Variants in CEP350 observed in about 807,000 individuals in gnomAD.
The protein encoded by CEP350 is centrosomal protein 350, also known as centrosome-associated protein 350.
Under a neutral mutation model 331.8 loss-of-function variants are expected in CEP350, and 126 were observed. That is an observed-to-expected ratio of 0.38 (90% CI 0.33 to 0.44). The LOEUF (loss-of-function observed/expected upper bound fraction) is 0.44. CEP350 is among the 20% of genes least tolerant of loss of function. CEP350 has a pLI of 1.00. For missense variants in CEP350, 3,406 were observed against 3,634.6 expected, an observed-to-expected ratio of 0.94 and a Z score of 1.62; for synonymous variants, 1,200 against 1,259.5, an observed-to-expected ratio of 0.95 and a Z score of 1.00.
intron 37 of CEP350, among the ~76,000 whole-genome samples, chr1:180,106,752 A>G (rs1661168190): frequency 6.6e-6 from 1 of 151,842 alleles, no homozygotes; most frequent in Admixed American, 6.6e-5. Context: ...TTTAATTAGT[A>G]GTCATTCAAC....
intron 4 of CEP350, 57 bp from the exon 5 acceptor site, chr1:179,992,005 A>T (rs1653134116): frequency 1.4e-6 from 2 of 1,450,346 alleles, no homozygotes; most frequent in African/African-American, 3.0e-5. Flanking sequence ...TACCAGCCTA[A>T]TTCAGAGGCA....
chr1:180,025,144 T>A (rs1375780733), intron 14 of CEP350, among the ~76,000 whole-genome samples: 2 of 152,266 alleles, frequency 1.3e-5, no homozygotes, highest in Admixed American at 1.3e-4. Flanking sequence ...CAGGATGGTC[T>A]CGATCTCCTG....
intron 1 of CEP350, among the ~76,000 whole-genome samples, chr1:179,959,770 C>CA (rs1558062070): frequency 6.6e-6 from 1 of 151,986 alleles, no homozygotes; most frequent in Non-Finnish European, 1.5e-5. Flanking sequence ...GACAAACAAA[C>CA]AAAAAAACTT....
chr1:179,997,314 G>A, intron 6 of CEP350, 139 bp downstream of exon 6: 1 of 938,826 alleles, frequency 1.1e-6, no homozygotes, highest in Non-Finnish European at 1.6e-6. Context: ...GGCCGAGGTG[G>A]GCGGATCATG....
At chr1:179,972,327 G>C (rs1022571434) in intron 1 of CEP350, among the ~76,000 whole-genome samples, 1 of 152,040 alleles carries the variant, frequency 6.6e-6, no homozygotes, top group African/African-American at 2.4e-5. Context: ...AGGTTTAAAA[G>C]GCATATGGAG....
chr1:179,990,709 C>G (rs1652991770), intron 4 of CEP350, 88 bp downstream of exon 4: 1 of 620,128 alleles, frequency 1.6e-6, no homozygotes, highest in Non-Finnish European at 2.7e-6. Context: ...GGTGTGCCAC[C>G]ACACCTGGCT....
chr1:180,078,736 G>A, intron 29 of CEP350, 62 bp downstream of exon 29: 1 of 1,371,340 alleles, frequency 7.3e-7, no homozygotes, highest in Non-Finnish European at 1.0e-6. Flanking sequence ...AGGTATGTTA[G>A]CAGTTATATT....
At chr1:180,049,763 C>G (rs766044887) in intron 22 of CEP350, among the ~76,000 whole-genome samples, 1 of 152,116 alleles carries the variant, frequency 6.6e-6, no homozygotes, top group African/African-American at 2.4e-5. Context: ...AGGCTGATCT[C>G]GAACTCCTGA....
chr1:180,091,918 G>C (rs566115074), intron 33 of CEP350, among the ~76,000 whole-genome samples: 5 of 152,150 alleles, frequency 3.3e-5, no homozygotes, highest in Admixed American at 3.3e-4. Context: ...CAGGCACAGT[G>C]GCTCGTGCCT....
chr1:180,035,322 A>G (rs1232514926), intron 16 of CEP350, among the ~76,000 whole-genome samples: 2 of 152,354 alleles, frequency 1.3e-5, no homozygotes, highest in Non-Finnish European at 2.9e-5. Context: ...TCCAGAAGAT[A>G]GTTGATGAAA....
chr1:180,020,014 A>C lies in CEP350; in HGVS notation c.2240A>C (p.Gln747Pro). The change falls in exon 12 of 38, where the codon CAA (glutamine) becomes CCA (proline). Residue 747 changes from glutamine (Q) to proline (P), a missense_variant. Gln to Pro is a moderately conservative substitution (Grantham distance 76). Coordinates refer to ENST00000367607, the MANE Select transcript of CEP350 (RefSeq NM_014810.5). ...TTGAGCCCACAAGTTCACCATTCTC[A>C]ACCACAGCCTTTTGCTGGAACAGCT... is the stretch of plus-strand genomic sequence containing the variant. The part of the protein sequence containing the change: ...ERLSPQVHHS[Q>P]PQPFAGTAGS... 6.2e-7 allele frequency: 1 copy of C among 1,613,894 alleles called. No individual in the cohort carries two copies. Among genetic ancestry groups the C allele is most frequent in the Non-Finnish European group, 8.5e-7 (1 of 1,179,800 alleles).
At position 179,996,532 on chromosome 1, in the gene CEP350, GC is replaced by G; in HGVS notation, c.396-20del. Reference sequence around the variant, plus strand: ...ATATATTATTAATCATAGTCACAGAGCTTATTATTTTTTATTGTAGGGAAAT... The same window carrying G: ...ATATATTATTAATCATAGTCACAGAGTTATTATTTTTTATTGTAGGGAAAT... On this transcript the variant is annotated intron_variant, in intron 5 of 37. Transcript: ENST00000367607. 4 of 1,502,520 alleles carry G rather than the reference GC, an allele frequency of 2.7e-6. No individual in the cohort carries two copies. The highest frequency in any genetic ancestry group is 3.6e-6 in the Non-Finnish European group (4 of 1,112,660). The allele number at this position is 1,502,520 out of a possible 1,614,324, so 93.1% of individuals were successfully genotyped here.
At chr1:179,990,451 G>T in intron 3 of CEP350, 56 bp from the exon 4 acceptor site, 1 of 871,286 alleles carries the variant, frequency 1.1e-6, no homozygotes. Context: ...TAAATTGATG[G>T]TAGCTGGATT....
intron 11 of CEP350, among the ~76,000 whole-genome samples, chr1:180,019,132 C>T (rs564992878): frequency 8.2e-4 from 125 of 152,298 alleles, no homozygotes; most frequent in African/African-American, 2.9e-3. Context: ...GCTGGGATTA[C>T]AGGCATCAGC....
chr1:179,988,446 T>G (rs1208547872), intron 3 of CEP350, among the ~76,000 whole-genome samples: 5 of 152,226 alleles, frequency 3.3e-5, no homozygotes, highest in Non-Finnish European at 7.3e-5. Flanking sequence ...CCTTTATTTC[T>G]TTCTGTGGTC....
Position 179,992,081 on chromosome 1 carries a change from T to C in CEP350, c.255T>C (p.Asp85=). 1 of 1,550,630 alleles carries C rather than the reference T, an allele frequency of 6.4e-7. No homozygotes were observed. The highest frequency in any genetic ancestry group is 8.7e-7 in the Non-Finnish European group (1 of 1,151,252). Residue 85 remains aspartate, a synonymous_variant, in exon 5 of 38, where the codon GAT becomes GAC. Coordinates refer to ENST00000367607, the MANE Select transcript of CEP350 (RefSeq NM_014810.5). The part of the protein sequence containing the change: ...ISRKDGRYLD[D]SWVNAPISKS... Reference sequence around the variant, plus strand: ...CTTCAGATGGTAGATACCTGGATGATTCTTGGGTTAATGCTCCAATCTCCA... The same window carrying C: ...CTTCAGATGGTAGATACCTGGATGACTCTTGGGTTAATGCTCCAATCTCCA...
chr1:180,093,250 C>T lies in CEP350; in HGVS notation c.7145C>T (p.Ser2382Phe), dbSNP rs1660298690. The T allele has an allele frequency of 6.2e-7, 1 of 1,601,640 alleles. No individual in the cohort carries two copies. The highest frequency in any genetic ancestry group is 2.2e-5 in the East Asian group (1 of 44,736). Residue 2382 changes from serine (S) to phenylalanine (F), a missense_variant, in exon 34 of 38, where the codon TCT becomes TTT. Coordinates refer to ENST00000367607, the MANE Select transcript of CEP350 (RefSeq NM_014810.5). ...CCATACTCTGAAGATTTTGAAGTGT[C>T]TTCTTTCAAGAAAGAAATTTCAGCT... ...EIPYSEDFEV[S>F]SFKKEISAEL...
intron 25 of CEP350, among the ~76,000 whole-genome samples, 174 bp from the exon 26 acceptor site, chr1:180,062,046 T>G (rs10913926): frequency 0.093 from 14,165 of 152,100 alleles, 1,101 homozygotes; most frequent in African/African-American, 0.21. Flanking sequence ...ATGGTGGGAT[T>G]ATATATGATT....
chr1:179,967,656 C>A (rs1651117583), intron 1 of CEP350, among the ~76,000 whole-genome samples: 1 of 152,138 alleles, frequency 6.6e-6, no homozygotes, highest in South Asian at 2.1e-4. Context: ...AGGTGATCGC[C>A]CACCTCGGCC....
Sources: gnomAD v4.1 joint callset for allele counts (sites outside exome capture counted in the v4.1 genomes callset) on GRCh38, gnomAD v4.1.1 for gene constraint, MANE v1.5 for transcripts, NCBI Gene and HGNC (gene_info 2026-07-23, HGNC 2026-07-21) for gene names.